The following DOCK9 variants were observed in gnomAD, a reference collection of about 807,000 sequenced individuals.
DOCK9 encodes the protein dedicator of cytokinesis 9.
Under a neutral mutation model 263.3 loss-of-function variants are expected in DOCK9, and 89 were observed. The ratio of observed to expected loss-of-function variants is 0.34; its 90% CI spans 0.28 to 0.40. DOCK9 has a LOEUF of 0.40. DOCK9 is among the 10% of genes least tolerant of loss of function. DOCK9 has a pLI of 1.00. For missense variants in DOCK9, 2,140 were observed against 2,603.4 expected, an observed-to-expected ratio of 0.82 and a Z score of 3.87; for synonymous variants, 976 against 973.1, an observed-to-expected ratio of 1.00 and a Z score of -0.06.
chr13:98,919,016 T>C (rs1216258833), intron 7 of DOCK9, among the ~76,000 whole-genome samples: 1 of 152,174 alleles, frequency 6.6e-6, no homozygotes, highest in Non-Finnish European at 1.5e-5. Context: ...CAGTGAACAC[T>C]TGTGATCTAG....
intron 1 of DOCK9, among the ~76,000 whole-genome samples, chr13:98,974,175 G>A (rs2059998245): frequency 6.6e-6 from 1 of 152,084 alleles, no homozygotes; most frequent in Non-Finnish European, 1.5e-5. Flanking sequence ...GGGGGTGGCG[G>A]GTAGGGGGTA....
intron 2 of DOCK9, among the ~76,000 whole-genome samples, chr13:98,933,926 C>T (rs995563216): frequency 4.0e-5 from 6 of 151,580 alleles, no homozygotes; most frequent in Non-Finnish European, 5.9e-5. Context: ...GAAACAGTAT[C>T]TCACTCAGTC....
At chr13:98,976,514 C>T (rs1171165524) in intron 1 of DOCK9, among the ~76,000 whole-genome samples, 1 of 152,184 alleles carries the variant, frequency 6.6e-6, no homozygotes, top group Non-Finnish European at 1.5e-5. Context: ...GGAACCTAAA[C>T]CACACAACTT....
intron 33 of DOCK9, chr13:98,858,967 C>T (rs1225598473): frequency 6.6e-6 from 1 of 152,236 alleles, no homozygotes; most frequent in African/African-American, 2.4e-5. Flanking sequence ...TCTCTGCCAA[C>T]CACCATACAC....
Position 98,914,407 on chromosome 13 carries a change from A to T in DOCK9, c.893-12T>A, listed in dbSNP as rs2050555529. 2 of 1,603,212 alleles carry T rather than the reference A, an allele frequency of 1.2e-6. No homozygotes were observed. The stretch of plus-strand genomic sequence containing the variant: ...GCTTTGTTCATCATCTAAAATGGCA[A>T]AACAGATTATCGGAATCACTTGTAA... On this transcript the variant is annotated splice_polypyrimidine_tract_variant and intron_variant, in intron 8 of 52. Transcript: ENST00000682017.
chr13:98,922,068 T>C lies in DOCK9; in HGVS notation c.565A>G (p.Ile189Val), dbSNP rs1243200944. ...GTCCTCACCCTCATGGTCACGCTGA[T>C]GGCACTGTTCATGTTGCCTTTGTAC... is the stretch of plus-strand genomic sequence containing the variant. Reference protein sequence around the residue: ...WLYKGNMNSAISVTMRSFKRR... With the variant: ...WLYKGNMNSAVSVTMRSFKRR... Residue 189 changes from isoleucine to valine, a missense_variant, in exon 6 of 53, where the codon ATC becomes GTC. Physicochemically the swap from Ile to Val is conservative, Grantham distance 29. This residue lies in a region of DOCK9 where 1,521 missense variants were observed against 1,741.7 expected (regional missense o/e 0.87). Transcript: ENST00000682017. 6 of 1,599,040 alleles carry C rather than the reference T, an allele frequency of 3.8e-6. No homozygotes were observed. Among genetic ancestry groups the C allele is most frequent in the Non-Finnish European group, 5.1e-6 (6 of 1,173,390 alleles).
At chr13:98,844,272 T>C (rs954924953) in intron 38 of DOCK9, among the ~76,000 whole-genome samples, 10 of 152,310 alleles carry the variant, frequency 6.6e-5, no homozygotes, top group Admixed American at 4.6e-4. Flanking sequence ...GAAGTAGCAT[T>C]TTATGGCTAC....
chr13:98,855,436 G>C (rs575859291), intron 34 of DOCK9, among the ~76,000 whole-genome samples: 2 of 152,312 alleles, frequency 1.3e-5, no homozygotes, highest in East Asian at 1.9e-4. Context: ...GCCGGGCGTG[G>C]TGGCTTGTGC....
At chr13:98,902,222 T>C in intron 12 of DOCK9, 66 bp downstream of exon 12, 3 of 1,542,900 alleles carry the variant, frequency 1.9e-6, no homozygotes, top group Non-Finnish European at 1.8e-6. Context: ...TTGAGCATTT[T>C]TGGTGCATTT....
chr13:98,966,957 G>A (rs754213636), intron 1 of DOCK9, among the ~76,000 whole-genome samples: 5 of 152,216 alleles, frequency 3.3e-5, no homozygotes, highest in African/African-American at 9.6e-5. Context: ...CCAGGCCCAC[G>A]GAGTGAGAAG....
At chr13:98,952,816 C>T (rs2140932094) in intron 2 of DOCK9, among the ~76,000 whole-genome samples, 1 of 152,322 alleles carries the variant, frequency 6.6e-6, no homozygotes, top group South Asian at 2.1e-4. Flanking sequence ...GAAATGGACA[C>T]CAAGTTCTAT....
At chr13:98,938,338 T>C (rs2055245429) in intron 2 of DOCK9, among the ~76,000 whole-genome samples, 1 of 152,196 alleles carries the variant, frequency 6.6e-6, no homozygotes, top group Admixed American at 6.6e-5. Context: ...AGCTGTGCAG[T>C]CTTGGGGGAT....
At chr13:98,995,077 G>A (rs1305420802) in intron 1 of DOCK9, among the ~76,000 whole-genome samples, 1 of 152,190 alleles carries the variant, frequency 6.6e-6, no homozygotes, top group Non-Finnish European at 1.5e-5. Context: ...GAATTGTGCT[G>A]TTAGAAGTGT....
chr13:98,798,604 T>C (rs1385949945), intron 50 of DOCK9, among the ~76,000 whole-genome samples: 1 of 152,214 alleles, frequency 6.6e-6, no homozygotes, highest in Non-Finnish European at 1.5e-5. Context: ...GGAAGGCTGA[T>C]GAGACTCCAT....
intron 1 of DOCK9, among the ~76,000 whole-genome samples, chr13:99,011,865 G>C (rs1884546892): frequency 6.6e-6 from 1 of 152,152 alleles, no homozygotes; most frequent in African/African-American, 2.4e-5. Flanking sequence ...TCTGTCAACA[G>C]AGCTTGAGTG....
intron 12 of DOCK9, 93 bp from the exon 13 acceptor site, chr13:98,901,993 GACA>G (rs1281513597): frequency 6.8e-7 from 1 of 1,475,906 alleles, no homozygotes; most frequent in African/African-American, 1.4e-5. Context: ...AGTGAAACAG[GACA>G]ACTAGTAAAA....
chr13:98,994,609 TTG>T (rs1450682609), intron 1 of DOCK9, among the ~76,000 whole-genome samples: 1 of 152,128 alleles, frequency 6.6e-6, no homozygotes, highest in East Asian at 1.9e-4. Context: ...TTACATATAA[TTG>T]TGTTACTCAT....
intron 10 of DOCK9, 34 bp downstream of exon 10, chr13:98,904,598 G>C: frequency 1.4e-6 from 2 of 1,436,778 alleles, no homozygotes; most frequent in Middle Eastern, 2.0e-4. Context: ...TCCCACATTT[G>C]GTTTTAAATA....
chr13:98,803,272 T>A (rs1400197885), intron 49 of DOCK9, among the ~76,000 whole-genome samples: 1 of 152,340 alleles, frequency 6.6e-6, no homozygotes, highest in East Asian at 1.9e-4. Context: ...AACAAAATGA[T>A]GACCTGTAAC....
Sources: gnomAD v4.1 joint callset for allele counts (sites outside exome capture counted in the v4.1 genomes callset) on GRCh38, gnomAD v4.1.1 for gene constraint, gnomAD v4.1.1 regional missense constraint, MANE v1.5 for transcripts, NCBI Gene and HGNC (gene_info 2026-07-23, HGNC 2026-07-21) for gene names.